The following CNTNAP2 variants were observed in gnomAD, a reference collection of about 807,000 sequenced individuals.
CNTNAP2 encodes contactin associated protein 2, also known as contactin-associated protein-like 2.
In CNTNAP2, 98 loss-of-function variants were observed where a neutral mutation model predicts 155.2. The ratio of observed to expected loss-of-function variants is 0.63; its 90% CI spans 0.54 to 0.75. CNTNAP2 has a LOEUF of 0.75. Ranked by LOEUF, CNTNAP2 falls within the 30% of genes least tolerant of loss-of-function variation. CNTNAP2 has a pLI of 0.00. For synonymous variants in CNTNAP2, 651 were observed against 631.2 expected (o/e 1.03, Z -0.47); for missense variants, 1,727 against 1,688.1 (o/e 1.02, Z -0.40).
In CNTNAP2 at chr7:146,155,493, A is replaced by T. The variant is rs60373133; in HGVS notation, c.97+38520A>T. Among the ~76,000 whole-genome samples the T allele has an allele frequency of 4.5e-3, 692 of 152,200 alleles. 6 individuals are homozygous for T. The highest frequency in any genetic ancestry group is 0.016 in the African/African-American group (656 of 41,532). The stretch of plus-strand genomic sequence containing the variant: ...AGTCATGATAACATATACTTGTTCA[A>T]TTGATAAAAACTGAACTGAATTCAA... On this transcript the variant is annotated intron_variant, in intron 1 of 23. Coordinates refer to ENST00000361727, the MANE Select transcript of CNTNAP2 (RefSeq NM_014141.6).
At chr7:146,212,725 T>A (rs1403649675) in intron 1 of CNTNAP2, among the ~76,000 whole-genome samples, 1 of 152,180 alleles carries the variant, frequency 6.6e-6, no homozygotes, top group East Asian at 1.9e-4. Context: ...GGTCATGAAG[T>A]AGAATGAAAT....
intron 3 of CNTNAP2, among the ~76,000 whole-genome samples, chr7:146,967,429 T>A (rs1369434625): frequency 6.6e-6 from 1 of 152,212 alleles, no homozygotes; most frequent in Non-Finnish European, 1.5e-5. Context: ...TATTGATTCT[T>A]CCTACCCATG....
At chr7:146,445,088 G>A (rs1211334981) in intron 1 of CNTNAP2, among the ~76,000 whole-genome samples, 7 of 146,648 alleles carry the variant, frequency 4.8e-5, no homozygotes, top group Non-Finnish European at 8.9e-5. Context: ...CAGTTTCCAG[G>A]AAGGGTCAGA....
At chr7:147,856,988 A>C (rs75092367) in intron 13 of CNTNAP2, among the ~76,000 whole-genome samples, 6,728 of 152,304 alleles carry the variant, frequency 0.044, 269 homozygotes, top group Admixed American at 0.12. Context: ...AATGTGATGA[A>C]AGGCAGGAAA....
intron 13 of CNTNAP2, among the ~76,000 whole-genome samples, chr7:147,894,410 CCAAA>C (rs1799742843): frequency 1.3e-5 from 2 of 152,060 alleles, no homozygotes; most frequent in Non-Finnish European, 2.9e-5. Flanking sequence ...CTTCAAATAA[CCAAA>C]TGTTACCAGA....
At chr7:147,980,503 G>A (rs187311691) in intron 15 of CNTNAP2, among the ~76,000 whole-genome samples, 5 of 152,218 alleles carry the variant, frequency 3.3e-5, no homozygotes, top group African/African-American at 1.2e-4. Flanking sequence ...CAATTATGTA[G>A]AATACTTTTG....
chr7:147,580,803 G>T (rs775108159), intron 12 of CNTNAP2, among the ~76,000 whole-genome samples: 1 of 152,026 alleles, frequency 6.6e-6, no homozygotes, highest in African/African-American at 2.4e-5. Flanking sequence ...TTTAGCAGAG[G>T]CAGGGTTTCA....
intron 1 of CNTNAP2, among the ~76,000 whole-genome samples, chr7:146,666,064 A>G (rs1490773139): frequency 6.6e-5 from 10 of 152,026 alleles, no homozygotes; most frequent in Admixed American, 6.6e-4. Flanking sequence ...TAATCATCCT[A>G]AAGTGGTATA....
At chr7:146,800,311 A>C (rs765489564) in intron 2 of CNTNAP2, among the ~76,000 whole-genome samples, 36 of 152,158 alleles carry the variant, frequency 2.4e-4, no homozygotes, top group Non-Finnish European at 2.2e-4. Context: ...CAGCACTGCT[A>C]TACCCACTGC....
At chr7:146,523,888 G>C (rs1797650420) in intron 1 of CNTNAP2, among the ~76,000 whole-genome samples, 1 of 152,062 alleles carries the variant, frequency 6.6e-6, no homozygotes, top group Non-Finnish European at 1.5e-5. Context: ...TAGAAATATA[G>C]TACTTTGTTG....
chr7:148,130,087 A>T (rs1804799620), intron 16 of CNTNAP2, among the ~76,000 whole-genome samples: 1 of 152,154 alleles, frequency 6.6e-6, no homozygotes, highest in Non-Finnish European at 1.5e-5. Context: ...TCGAAACTGA[A>T]ATCCATCATT....
chr7:148,213,028 A>G (rs1795574763), intron 18 of CNTNAP2, among the ~76,000 whole-genome samples: 1 of 152,158 alleles, frequency 6.6e-6, no homozygotes, highest in Non-Finnish European at 1.5e-5. Context: ...ATCTCCCTTC[A>G]TGATCTGCCT....
intron 20 of CNTNAP2, among the ~76,000 whole-genome samples, chr7:148,244,857 CA>C (rs1796226892): frequency 6.7e-6 from 1 of 149,264 alleles, no homozygotes; most frequent in African/African-American, 2.4e-5. Context: ...GCCACCATGC[CA>C]GGCTGTTGCC....
intron 1 of CNTNAP2, among the ~76,000 whole-genome samples, chr7:146,417,954 T>G (rs1181679569): frequency 8.8e-6 from 1 of 113,952 alleles, no homozygotes; most frequent in Admixed American, 9.3e-5. Context: ...CCAGATACAC[T>G]GTTCTTGAAG....
At chr7:148,109,077 C>T (rs1208698685) in intron 15 of CNTNAP2, among the ~76,000 whole-genome samples, 1 of 152,218 alleles carries the variant, frequency 6.6e-6, no homozygotes. Context: ...AGAGGCTCCT[C>T]TTCCATCTTT....
chr7:147,700,684 T>G (rs1242252544), intron 13 of CNTNAP2, among the ~76,000 whole-genome samples: 1 of 152,170 alleles, frequency 6.6e-6, no homozygotes, highest in Non-Finnish European at 1.5e-5. Context: ...GAGACACAAT[T>G]GCTCCCACAG....
rs115269175 is a variant in CNTNAP2, at chr7:148,048,281, A to T, written c.2384-69837A>T. ...CTGGGATGTGATCAACTCGAGAACC[A>T]CATCACTGTCATGTAGCTGCATGGA... On this transcript the variant is annotated intron_variant, in intron 15 of 23. Coordinates refer to ENST00000361727, the MANE Select transcript of CNTNAP2 (RefSeq NM_014141.6). 6.4e-3 allele frequency among the ~76,000 whole-genome samples: 967 copies of T among 152,234 alleles called. 13 individuals are homozygous for T. Among genetic ancestry groups the T allele is most frequent in the African/African-American group, 0.022 (913 of 41,558 alleles).
intron 13 of CNTNAP2, among the ~76,000 whole-genome samples, chr7:147,669,763 T>C (rs1370773945): frequency 6.6e-6 from 1 of 152,214 alleles, no homozygotes; most frequent in Non-Finnish European, 1.5e-5. Flanking sequence ...TGGACTCATC[T>C]CTTGGTCTTC....
chr7:147,267,558 A>AT lies in CNTNAP2; in HGVS notation c.1349-32572dup, dbSNP rs11341101. 1.8e-4 allele frequency among the ~76,000 whole-genome samples: 27 copies of AT among 150,188 alleles called. No individual in the cohort carries two copies. The South Asian group carries it at 3.8e-3, about 21-fold the overall frequency. ...CTATTATGCCAACCAAGGTTAACAC[A>AT]TTTTTTTTTTTCTGAATTCCTATAA... is the stretch of plus-strand genomic sequence containing the variant. On this transcript the variant is annotated intron_variant, in intron 8 of 23. Coordinates refer to ENST00000361727, the MANE Select transcript of CNTNAP2 (RefSeq NM_014141.6).
Sources: allele counts gnomAD v4.1 joint callset (sites outside exome capture counted in the v4.1 genomes callset), GRCh38; gene constraint gnomAD v4.1.1; transcripts MANE v1.5; gene names NCBI Gene and HGNC (gene_info 2026-07-23, HGNC 2026-07-21).